KCNQ5: variants seen among roughly 807,000 people sequenced by gnomAD.
The protein encoded by KCNQ5 is potassium voltage-gated channel subfamily KQT member 5.
KCNQ5 carries 30 observed loss-of-function variants against 98.2 expected under a neutral mutation model. The observed-to-expected ratio is 0.31, with a 90% CI of 0.23 to 0.41. The LOEUF (loss-of-function observed/expected upper bound fraction) is 0.41, where lower values mean the gene tolerates loss of function less well. Among genes scored for constraint, KCNQ5 ranks in the 10% least tolerant of loss-of-function variants. The pLI, the probability that KCNQ5 is intolerant of heterozygous loss-of-function variation, is 1.00. For missense variants in KCNQ5, 835 were observed against 1,182.5 expected (o/e 0.71, Z 4.31); for synonymous variants, 458 against 449.4 (o/e 1.02, Z -0.24).
intron 1 of KCNQ5, among the ~76,000 whole-genome samples, chr6:72,955,913 C>G (rs924114571): frequency 6.6e-6 from 1 of 151,966 alleles, no homozygotes; most frequent in Non-Finnish European, 1.5e-5. Context: ...CAGAGTGAGA[C>G]TCCATCTCAA....
chr6:72,631,939 G>T (rs2098921041), intron 1 of KCNQ5, among the ~76,000 whole-genome samples: 1 of 152,108 alleles, frequency 6.6e-6, no homozygotes, highest in South Asian at 2.1e-4. Flanking sequence ...TAATATTAGT[G>T]TTATCATCTT....
At chr6:73,063,972 A>G (rs1035030265) in intron 3 of KCNQ5, among the ~76,000 whole-genome samples, 1 of 152,200 alleles carries the variant, frequency 6.6e-6, no homozygotes, top group South Asian at 2.1e-4. Flanking sequence ...TATTTCCAAA[A>G]ATAGGAAATT....
chr6:72,758,220 A>G (rs988890280), intron 1 of KCNQ5, among the ~76,000 whole-genome samples: 3 of 152,048 alleles, frequency 2.0e-5, no homozygotes, highest in Non-Finnish European at 4.4e-5. Context: ...CCTCAAAATC[A>G]TAGCTCTTCT....
intron 5 of KCNQ5, 96 bp from the exon 6 acceptor site, chr6:73,105,161 T>A (rs1774950818): frequency 5.0e-6 from 3 of 601,472 alleles, no homozygotes; most frequent in South Asian, 5.5e-5. Context: ...ATTTGTTGAA[T>A]AATGATTTAG....
intron 3 of KCNQ5, among the ~76,000 whole-genome samples, chr6:73,063,721 T>TAGATAATA (rs1554203585): frequency 1.0e-5 from 1 of 96,034 alleles, no homozygotes; most frequent in Non-Finnish European, 2.2e-5. Flanking sequence ...GATAGATAGA[T>TAGATAATA]GATAGATAGA....
intron 1 of KCNQ5, among the ~76,000 whole-genome samples, chr6:72,825,970 C>A (rs1775975347): frequency 6.6e-6 from 1 of 152,052 alleles, no homozygotes; most frequent in South Asian, 2.1e-4. Flanking sequence ...ACAGTTGCCT[C>A]CATGGGGGTC....
chr6:72,776,744 G>A (rs1029034023), intron 1 of KCNQ5, among the ~76,000 whole-genome samples: 3 of 152,176 alleles, frequency 2.0e-5, no homozygotes, highest in African/African-American at 7.2e-5. Flanking sequence ...TTCAAGCACT[G>A]TGATAGGTGC....
intron 1 of KCNQ5, among the ~76,000 whole-genome samples, chr6:72,694,476 T>C (rs1768383815): frequency 6.6e-6 from 1 of 152,160 alleles, no homozygotes; most frequent in Admixed American, 6.5e-5. Context: ...GAAAAAACAT[T>C]GGCCTGGGTA....
chr6:72,726,838 T>A (rs1770306976), intron 1 of KCNQ5, among the ~76,000 whole-genome samples: 2 of 152,310 alleles, frequency 1.3e-5, no homozygotes, highest in East Asian at 1.9e-4. Flanking sequence ...AATGATTTTT[T>A]AATTTTTTTC....
intron 9 of KCNQ5, among the ~76,000 whole-genome samples, chr6:73,125,760 A>AT (rs1362783321): frequency 1.6e-4 from 24 of 152,322 alleles, no homozygotes; most frequent in African/African-American, 5.1e-4. Context: ...AGGATATACA[A>AT]CATCAGGCAC....
chr6:72,957,516 G>A (rs1767140979), intron 1 of KCNQ5, among the ~76,000 whole-genome samples: 1 of 152,038 alleles, frequency 6.6e-6, no homozygotes, highest in African/African-American at 2.4e-5. Flanking sequence ...CGCTCCCAGG[G>A]ATTCCAATTT....
chr6:73,186,320 CT>C (rs1778570868), intron 11 of KCNQ5, among the ~76,000 whole-genome samples: 1 of 152,140 alleles, frequency 6.6e-6, no homozygotes, highest in Non-Finnish European at 1.5e-5. Flanking sequence ...ACTTTCATAT[CT>C]CACTTTGAAT....
At chr6:72,774,603 A>G (rs760195250) in intron 1 of KCNQ5, among the ~76,000 whole-genome samples, 16 of 151,082 alleles carry the variant, frequency 1.1e-4, no homozygotes, top group Non-Finnish European at 2.1e-4. Context: ...TATATCCAGT[A>G]TATAAACACA....
chr6:72,758,917 A>C (rs913607713), intron 1 of KCNQ5, among the ~76,000 whole-genome samples: 1 of 152,190 alleles, frequency 6.6e-6, no homozygotes, highest in Non-Finnish European at 1.5e-5. Context: ...ATAAAGCCAT[A>C]TTAGGAAGAA....
chr6:72,826,491 G>A (rs575443286), intron 1 of KCNQ5, among the ~76,000 whole-genome samples: 1 of 152,026 alleles, frequency 6.6e-6, no homozygotes, highest in South Asian at 2.1e-4. Context: ...CCCTTGTATG[G>A]CTACCTGCTT....
chr6:73,136,721 A>AACTGG (rs1232108786), intron 10 of KCNQ5: 1 of 152,206 alleles, frequency 6.6e-6, no homozygotes, highest in Non-Finnish European at 1.5e-5. Flanking sequence ...CGTCTTGGGA[A>AACTGG]ACTGGAAGTT....
chr6:72,902,537 A>C (rs1281380722), intron 1 of KCNQ5, among the ~76,000 whole-genome samples: 1 of 152,124 alleles, frequency 6.6e-6, no homozygotes, highest in African/African-American at 2.4e-5. Flanking sequence ...TTTTGTTGAG[A>C]GTTTTAATCA....
intron 1 of KCNQ5, among the ~76,000 whole-genome samples, chr6:72,858,971 C>A (rs1005246639): frequency 6.6e-6 from 1 of 152,086 alleles, no homozygotes; most frequent in Non-Finnish European, 1.5e-5. Flanking sequence ...TACACAGAAG[C>A]TTTCGATGCT....
chr6:73,087,600 AG>A (rs1774043472), intron 5 of KCNQ5, among the ~76,000 whole-genome samples: 2 of 152,296 alleles, frequency 1.3e-5, no homozygotes, highest in South Asian at 4.1e-4. Context: ...CTGGAAAGAG[AG>A]AAAAAAGAGG....
Sources: allele counts gnomAD v4.1 joint callset (sites outside exome capture counted in the v4.1 genomes callset), GRCh38; gene constraint gnomAD v4.1.1; transcripts MANE v1.5; gene names NCBI Gene and HGNC (gene_info 2026-07-23, HGNC 2026-07-21).